Variants in UHRF2 observed in about 807,000 individuals in gnomAD.
UHRF2 encodes E3 ubiquitin-protein ligase UHRF2.
In UHRF2, 23 loss-of-function variants were observed where a neutral mutation model predicts 96.8. The observed-to-expected ratio is 0.24, with a 90% CI of 0.17 to 0.34. The LOEUF (loss-of-function observed/expected upper bound fraction) is 0.34. UHRF2 is among the 10% of genes least tolerant of loss of function. UHRF2 has a pLI of 1.00. For missense variants in UHRF2, 685 were observed against 981.5 expected, an observed-to-expected ratio of 0.70 and a Z score of 4.04; for synonymous variants, 385 against 332.6, an observed-to-expected ratio of 1.16 and a Z score of -1.72.
chr9:6,428,533 CTTTTTTTTTTTTTTTTTTTTTTTTTT>C (rs1171172143), intron 2 of UHRF2, among the ~76,000 whole-genome samples: 5 of 65,358 alleles, frequency 7.7e-5, no homozygotes, highest in East Asian at 6.0e-4. Context: ...ATTGCTTTTG[CTTTTTTTTTTTTTTTTTTTTTTTTTT>C]TTTTTTTTTT....
At chr9:6,414,122 C>T (rs981316332) in intron 1 of UHRF2, 3 of 152,970 alleles carry the variant, frequency 2.0e-5, no homozygotes, top group South Asian at 2.1e-4. Flanking sequence ...GAAACTCGGG[C>T]ATTGAGCTCT....
chr9:6,480,188 C>G (rs944061581), intron 6 of UHRF2, among the ~76,000 whole-genome samples: 12 of 152,168 alleles, frequency 7.9e-5, no homozygotes, highest in African/African-American at 2.9e-4. Context: ...GACCTTTGCA[C>G]TTAACTGTTT....
chr9:6,450,048 A>G (rs556714206), intron 3 of UHRF2, among the ~76,000 whole-genome samples: 1 of 152,288 alleles, frequency 6.6e-6, no homozygotes, highest in African/African-American at 2.4e-5. Flanking sequence ...TTCATGCTAT[A>G]ATGTGTAGAG....
rs187763164 is a variant in UHRF2 at position 6,493,245 on chromosome 9, C to A, written c.1498-581C>A. Reference sequence around the variant, plus strand: ...CCTGGGAGGCAGAGGCTACAGCGAGCCGAGATCGTGCCACCGCACTCCAGC... The same window carrying A: ...CCTGGGAGGCAGAGGCTACAGCGAGACGAGATCGTGCCACCGCACTCCAGC... On this transcript the variant is annotated intron_variant, in intron 9 of 15. Transcript: ENST00000276893. Among the ~76,000 whole-genome samples the A allele has an allele frequency of 2.6e-4, 40 of 152,158 alleles. No individual in the cohort carries two copies. The East Asian group carries it at 7.7e-3, about 29-fold the overall frequency.
intron 4 of UHRF2, among the ~76,000 whole-genome samples, chr9:6,474,507 A>G (rs778446472): frequency 1.3e-5 from 2 of 152,182 alleles, no homozygotes; most frequent in Non-Finnish European, 2.9e-5. Context: ...GGAGTTCGAG[A>G]CGAGCCCAGC....
intron 4 of UHRF2, among the ~76,000 whole-genome samples, chr9:6,461,216 T>C (rs2130848568): frequency 6.6e-6 from 1 of 152,328 alleles, no homozygotes; most frequent in Admixed American, 6.5e-5. Flanking sequence ...TAGTGATTTT[T>C]CACCTTACAG....
rs1231209568 is a variant in UHRF2, at chr9:6,482,051, A to T, written c.1344A>T (p.Gly448=). The T allele has an allele frequency of 1.9e-6, 3 of 1,614,094 alleles. No individual in the cohort carries two copies. The highest frequency in any genetic ancestry group is 2.2e-5 in the East Asian group (1 of 44,870). ...CTATTGTCCCTTCTAATCATTATGGACCCATTCCTGGTATTCCTGTTGGAT... is the reference window on the plus strand; with the variant it reads ...CTATTGTCCCTTCTAATCATTATGGTCCCATTCCTGGTATTCCTGTTGGAT... ...ECTIVPSNHY[G]PIPGIPVGST... The change falls in exon 8 of 16, where the codon GGA becomes GGT. Residue 448 remains glycine, a synonymous_variant. Transcript: ENST00000276893.
At chr9:6,478,841 T>G (rs1486740263) in intron 6 of UHRF2, among the ~76,000 whole-genome samples, 3 of 152,198 alleles carry the variant, frequency 2.0e-5, no homozygotes, top group Non-Finnish European at 2.9e-5. Flanking sequence ...ATCTTCTTCC[T>G]TTTACCTCCT....
intron 3 of UHRF2, among the ~76,000 whole-genome samples, chr9:6,452,079 C>T (rs879333525): frequency 3.3e-5 from 5 of 151,802 alleles, no homozygotes; most frequent in Admixed American, 2.0e-4. Flanking sequence ...ATACCGTTTG[C>T]ACCTTATTTT....
At chr9:6,487,182 CTTTT>C (rs1171978950) in intron 9 of UHRF2, among the ~76,000 whole-genome samples, 6 of 69,580 alleles carry the variant, frequency 8.6e-5, no homozygotes, top group East Asian at 4.9e-4. Flanking sequence ...TTTTTTTTTC[CTTTT>C]TTTTTTTTTT....
chr9:6,457,679 C>T (rs1426256616), intron 3 of UHRF2, among the ~76,000 whole-genome samples: 3 of 152,124 alleles, frequency 2.0e-5, no homozygotes, highest in Non-Finnish European at 4.4e-5. Flanking sequence ...GAGATACATT[C>T]CATCAAAACC....
At position 6,486,856 on chromosome 9, in the gene UHRF2, T is replaced by C; in HGVS notation, c.1428T>C (p.Gly476=). ...CAGGTGTTCACAGACCCCATGTTGGTGGAATTCATGGTCGAAGTAATGATG... is the reference window on the plus strand; with the variant it reads ...CAGGTGTTCACAGACCCCATGTTGGCGGAATTCATGGTCGAAGTAATGATG... ...SEAGVHRPHV[G]GIHGRSNDGA... is the part of the protein sequence containing the mutation. Residue 476 remains glycine (G), a synonymous_variant, in exon 9 of 16, where the codon GGT becomes GGC. Coordinates refer to ENST00000276893, the MANE Select transcript of UHRF2 (RefSeq NM_152896.3). The C allele has an allele frequency of 6.2e-7, 1 of 1,614,158 alleles. No homozygotes were observed. Among genetic ancestry groups the C allele is most frequent in the Admixed American group, 1.7e-5 (1 of 60,018 alleles).
intron 4 of UHRF2, among the ~76,000 whole-genome samples, chr9:6,472,662 T>C (rs1823315628): frequency 6.6e-6 from 1 of 152,216 alleles, no homozygotes; most frequent in Non-Finnish European, 1.5e-5. Context: ...GGAGAAAGTA[T>C]AGTATGTACT....
intron 2 of UHRF2, among the ~76,000 whole-genome samples, chr9:6,423,634 A>ATT (rs34676165): frequency 0.2 from 28,567 of 143,832 alleles, 3,040 homozygotes; most frequent in East Asian, 0.27. Flanking sequence ...GTCATTAGTG[A>ATT]TTTTTTTTTT....
chr9:6,455,922 T>A (rs1407428079), intron 3 of UHRF2, among the ~76,000 whole-genome samples: 2 of 152,148 alleles, frequency 1.3e-5, no homozygotes, highest in Non-Finnish European at 2.9e-5. Flanking sequence ...AGGCCAAGGC[T>A]GCAGCGGGCA....
intron 5 of UHRF2, among the ~76,000 whole-genome samples, chr9:6,475,946 C>A (rs1282889448): frequency 2.0e-5 from 3 of 151,950 alleles, no homozygotes; most frequent in Non-Finnish European, 4.4e-5. Flanking sequence ...AACTGTAGTC[C>A]CCCATCGTGC....
chr9:6,496,550 T>G (rs1474320895), intron 10 of UHRF2: 1 of 152,216 alleles, frequency 6.6e-6, no homozygotes, highest in East Asian at 1.9e-4. Flanking sequence ...GCATTATCAG[T>G]AAAATGTAGT....
At chr9:6,499,049 T>C (rs112125647) in intron 12 of UHRF2, 2 of 152,238 alleles carry the variant, frequency 1.3e-5, no homozygotes, top group Non-Finnish European at 2.9e-5. Flanking sequence ...TTCTTTTTAA[T>C]ATAAAAATAA....
Position 6,499,930 on chromosome 9 carries a change from T to C in UHRF2, c.2004T>C (p.Asp668=), listed in dbSNP as rs1211534099. The change falls in exon 13 of 16, where the codon GAT becomes GAC. Residue 668 remains aspartate, a splice_region_variant and synonymous_variant. Coordinates refer to ENST00000276893, the MANE Select transcript of UHRF2 (RefSeq NM_152896.3). ...PSGTTKRPIS[D]DDCPSASKVY... ...GAACCACAAAAAGGCCAATTTCAGA[T>C]GGTAGGTAATGATTGCAAAATATAA... is the stretch of plus-strand genomic sequence containing the variant. The C allele has an allele frequency of 1.2e-6, 2 of 1,603,414 alleles. No individual in the cohort carries two copies. The highest frequency in any genetic ancestry group is 1.3e-5 in the African/African-American group (1 of 74,552).
Sources: allele counts gnomAD v4.1 joint callset (sites outside exome capture counted in the v4.1 genomes callset), GRCh38; gene constraint gnomAD v4.1.1; transcripts MANE v1.5; gene names NCBI Gene and HGNC (gene_info 2026-07-23, HGNC 2026-07-21).